Variants in EXOC4 observed in about 807,000 individuals in gnomAD.
EXOC4 encodes the protein SEC8-like 1.
Under a neutral mutation model 107.2 loss-of-function variants are expected in EXOC4, and 71 were observed. The ratio of observed to expected loss-of-function variants is 0.66; its 90% CI spans 0.55 to 0.81. The LOEUF is 0.81. Among genes scored for constraint, EXOC4 ranks in the 30% least tolerant of loss-of-function variants. The pLI is 0.00. For synonymous variants in EXOC4, 456 were observed against 441.2 expected (o/e 1.03, Z -0.42); for missense variants, 1,108 against 1,189.6 (o/e 0.93, Z 1.01).
At position 133,597,742 on chromosome 7, in the gene EXOC4, T is replaced by TCATCACAC. The variant is rs1224431254; in HGVS notation, c.1418-32301_1418-32294dup. Among the ~76,000 whole-genome samples the TCATCACAC allele has an allele frequency of 2.0e-5, 3 of 151,644 alleles. No individual in the cohort carries two copies. The East Asian group carries it at 5.9e-4, about 30-fold the overall frequency. On this transcript the variant is annotated intron_variant, in intron 9 of 17. Coordinates refer to ENST00000253861, the MANE Select transcript of EXOC4 (RefSeq NM_021807.4). ...GCGGTTCTTGCCATTAAAAGTGATG[T>TCATCACAC]CATCACACCTGTAATCCCAGCACTT...
At chr7:133,454,577 G>A (rs369702940) in intron 7 of EXOC4, among the ~76,000 whole-genome samples, 3 of 152,210 alleles carry the variant, frequency 2.0e-5, no homozygotes, top group African/African-American at 7.2e-5. Context: ...GATTATAGGC[G>A]TGAGCCACCA....
chr7:133,524,001 T>A (rs1447488395), intron 9 of EXOC4, among the ~76,000 whole-genome samples: 3 of 149,740 alleles, frequency 2.0e-5, no homozygotes, highest in African/African-American at 4.9e-5. Context: ...TAGTTCTAGA[T>A]CCCTGAGGAA....
intron 10 of EXOC4, among the ~76,000 whole-genome samples, chr7:133,720,463 C>G (rs7783344): frequency 6.6e-6 from 1 of 152,170 alleles, no homozygotes; most frequent in Non-Finnish European, 1.5e-5. Context: ...CCAAGGAAAC[C>G]ATAATGCACA....
downstream of EXOC4, among the ~76,000 whole-genome samples, chr7:134,069,352 C>A (rs1233830406): frequency 6.9e-6 from 1 of 145,204 alleles, no homozygotes; most frequent in Non-Finnish European, 1.5e-5. Context: ...CCTCCTCCTT[C>A]TCCTTCTTCC....
At position 133,432,175 on chromosome 7, in the gene EXOC4, A is replaced by T. The variant is rs958124017; in HGVS notation, c.1183-43153A>T. The stretch of plus-strand genomic sequence containing the variant: ...GAATATAAAAGAATTCTTTTGGTTC[A>T]GGTAAAAAAGACATTTTTAGAAAGT... On this transcript the variant is annotated intron_variant, in intron 7 of 17. Coordinates refer to ENST00000253861, the MANE Select transcript of EXOC4 (RefSeq NM_021807.4). Among the ~76,000 whole-genome samples the T allele has an allele frequency of 1.8e-4, 27 of 152,274 alleles. 1 individual carries two copies. In the South Asian group the frequency reaches 4.4e-3, roughly 25 times the overall value.
chr7:133,537,305 C>CA (rs1262881422), intron 9 of EXOC4, among the ~76,000 whole-genome samples: 25 of 146,912 alleles, frequency 1.7e-4, no homozygotes, highest in South Asian at 1.3e-3. Context: ...CACCCCCCCC[C>CA]CCACCACACC....
At chr7:133,254,725 A>G (rs1562989706) in intron 1 of EXOC4, among the ~76,000 whole-genome samples, 1 of 152,194 alleles carries the variant, frequency 6.6e-6, no homozygotes, top group East Asian at 1.9e-4. Flanking sequence ...GGGGGATAAA[A>G]CATGTCAGTA....
intron 10 of EXOC4, among the ~76,000 whole-genome samples, chr7:133,688,734 T>G (rs1327043775): frequency 6.6e-6 from 1 of 151,204 alleles, no homozygotes; most frequent in African/African-American, 2.4e-5. Context: ...CTAGGCCTAT[T>G]TTTTTTTTGT....
At chr7:133,425,080 T>G (rs1438936742) in intron 7 of EXOC4, among the ~76,000 whole-genome samples, 1 of 148,900 alleles carries the variant, frequency 6.7e-6, no homozygotes, top group East Asian at 1.9e-4. Context: ...CTCCATGAAC[T>G]GCAGTTACGG....
intron 10 of EXOC4, among the ~76,000 whole-genome samples, chr7:133,712,439 CAAAAAAAAAAAAAAAAAAAAA>C (rs58629398): frequency 9.9e-5 from 3 of 30,196 alleles, no homozygotes; most frequent in African/African-American, 1.4e-4. Flanking sequence ...AACTCTGTCT[CAAAAAAAAAAAAAAAAAAAAA>C]AAAAAAAAAA....
chr7:134,082,908 C>T, the EXOC4 span, among the ~76,000 whole-genome samples: 3 of 152,152 alleles, frequency 2.0e-5, no homozygotes, highest in Admixed American at 2.0e-4. Context: ...GTAAAGGCCT[C>T]TGACAAGGTC....
At chr7:133,431,970 C>T (rs1441657125) in intron 7 of EXOC4, among the ~76,000 whole-genome samples, 2 of 152,140 alleles carry the variant, frequency 1.3e-5, no homozygotes, top group Non-Finnish European at 2.9e-5. Context: ...AGATTTCCCC[C>T]TTTTTGTAAC....
chr7:133,286,905 T>C (rs1033506736), intron 2 of EXOC4, among the ~76,000 whole-genome samples: 4 of 152,190 alleles, frequency 2.6e-5, no homozygotes, highest in Non-Finnish European at 4.4e-5. Context: ...TGCTCCCAAT[T>C]TGGCCAATGC....
intron 10 of EXOC4, among the ~76,000 whole-genome samples, chr7:133,651,038 T>A (rs554188614): frequency 1.3e-5 from 2 of 151,214 alleles, no homozygotes; most frequent in South Asian, 4.2e-4. Flanking sequence ...TTATTATGAT[T>A]GTGCAAGTTT....
chr7:133,403,254 T>C (rs1797135020), intron 7 of EXOC4, among the ~76,000 whole-genome samples: 1 of 152,218 alleles, frequency 6.6e-6, no homozygotes, highest in Non-Finnish European at 1.5e-5. Flanking sequence ...TGTTCACACA[T>C]ATGCACAAGC....
At chr7:133,869,142 C>T (rs1397648136) in intron 11 of EXOC4, among the ~76,000 whole-genome samples, 5 of 151,788 alleles carry the variant, frequency 3.3e-5, no homozygotes, top group East Asian at 1.9e-4. Flanking sequence ...TCATGATGAA[C>T]GGCACTCATA....
At chr7:133,575,038 C>T (rs928969213) in intron 9 of EXOC4, among the ~76,000 whole-genome samples, 13 of 152,152 alleles carry the variant, frequency 8.5e-5, no homozygotes, top group Non-Finnish European at 1.3e-4. Flanking sequence ...ATAATACACA[C>T]GTGTTGAAAA....
At chr7:133,859,605 A>T (rs1347035751) in intron 11 of EXOC4, among the ~76,000 whole-genome samples, 1 of 152,176 alleles carries the variant, frequency 6.6e-6, no homozygotes, top group Non-Finnish European at 1.5e-5. Flanking sequence ...CATATTGAAG[A>T]CAAGGACTAG....
At chr7:133,607,389 T>A (rs1384210458) in intron 9 of EXOC4, among the ~76,000 whole-genome samples, 1 of 152,224 alleles carries the variant, frequency 6.6e-6, no homozygotes, top group Admixed American at 6.5e-5. Flanking sequence ...TAAATCAGGT[T>A]TTGAAACATT....
Sources: allele counts gnomAD v4.1 joint callset (sites outside exome capture counted in the v4.1 genomes callset), GRCh38; gene constraint gnomAD v4.1.1; transcripts MANE v1.5; gene names NCBI Gene and HGNC (gene_info 2026-07-23, HGNC 2026-07-21).